Variants in DKK4 observed in about 807,000 individuals in gnomAD.
The protein encoded by DKK4 is dickkopf-related protein 4.
DKK4 carries 15 observed loss-of-function variants against 14.5 expected under a neutral mutation model. The ratio of observed to expected loss-of-function variants is 1.03; its 90% confidence interval spans 0.69 to 1.59. DKK4 has a LOEUF of 1.59. Among genes scored for constraint, DKK4 ranks in the 40% most tolerant of loss-of-function variants. The pLI, the probability that DKK4 is intolerant of heterozygous loss-of-function variation, is 0.00. For synonymous variants in DKK4, 89 were observed against 105.2 expected, an observed-to-expected ratio of 0.85 and a Z score of 0.94; for missense variants, 272 against 280.3, an observed-to-expected ratio of 0.97 and a Z score of 0.21.
At chr8:42,379,378 T>TATATAGAGAG (rs1166847600), upstream of DKK4, among the ~76,000 whole-genome samples, 2 of 34,538 alleles carry the variant, frequency 5.8e-5, no homozygotes, top group Non-Finnish European at 5.1e-5. Flanking sequence ...TATATATATA[T>TATATAGAGAG]AGAGAGAGAG....
the DKK4 span, among the ~76,000 whole-genome samples, chr8:42,388,860 C>G: frequency 6.6e-6 from 1 of 152,348 alleles, no homozygotes; most frequent in South Asian, 2.1e-4. Context: ...TGAGCCACTG[C>G]GCCCAGCCAA....
At chr8:42,379,639 T>C (rs975722188), upstream of DKK4, among the ~76,000 whole-genome samples, 3 of 151,906 alleles carry the variant, frequency 2.0e-5, no homozygotes, top group African/African-American at 7.3e-5. Context: ...AATAAAGGAA[T>C]GTGTTTACAG....
the DKK4 span, among the ~76,000 whole-genome samples, chr8:42,387,344 CTTTTTTTTTTTTTTTT>C: frequency 8.9e-5 from 4 of 44,908 alleles, no homozygotes; most frequent in South Asian, 1.2e-3. Context: ...GAAGGCCAGT[CTTTTTTTTTTTTTTTT>C]TTTTTTTTTT....
chr8:42,374,852 A>AT lies in DKK4; in HGVS notation c.323dup (p.Asp108GlufsTer25), dbSNP rs1236909521. ...CAGTTGTTCCTTCTGCATGTGTGCCATCTTGCTCATCAAGCTGCCTTTCTA... is the reference window on the plus strand; with the variant it reads ...CAGTTGTTCCTTCTGCATGTGTGCCATTCTTGCTCATCAAGCTGCCTTTCTA... On this transcript the variant is annotated frameshift_variant, in exon 3 of 4. Transcript: ENST00000220812. LOFTEE classifies it high-confidence loss of function. 35 of 1,613,982 alleles carry AT rather than the reference A, an allele frequency of 2.2e-5. No individual in the cohort carries two copies. The highest frequency in any genetic ancestry group is 2.6e-5 in the Non-Finnish European group (31 of 1,180,030).
the DKK4 span, among the ~76,000 whole-genome samples, chr8:42,386,545 G>T: frequency 1.3e-5 from 2 of 152,164 alleles, no homozygotes; most frequent in African/African-American, 4.8e-5. Context: ...AGGCTGGAGT[G>T]CAGTGGCGCC....
upstream of DKK4, chr8:42,377,311 C>T (rs935721832): frequency 2.7e-5 from 12 of 439,692 alleles, no homozygotes; most frequent in East Asian, 4.5e-4. Flanking sequence ...CCCACACAGG[C>T]TTCAACAAAT....
At chr8:42,384,418 C>T in the DKK4 span, among the ~76,000 whole-genome samples, 20 of 152,332 alleles carry the variant, frequency 1.3e-4, no homozygotes, top group African/African-American at 4.1e-4. Flanking sequence ...GCTAGGATTA[C>T]AGTCATGAGC....
At position 42,377,191 on chromosome 8, in the gene DKK4, A is replaced by AG. The variant is rs1824582665; in HGVS notation, c.-147dup. On this transcript the variant is annotated 5_prime_UTR_variant, in exon 1 of 4. Transcript: ENST00000220812. ...GCTTTTTCTGAAAGAAGTAAACCTTAGTCTGAGTAAGGTGCGTGAAATCGG... is the reference window on the plus strand; with the variant it reads ...GCTTTTTCTGAAAGAAGTAAACCTTAGGTCTGAGTAAGGTGCGTGAAATCGG... 3 of 646,992 alleles carry AG rather than the reference A, an allele frequency of 4.6e-6. No homozygotes were observed. In the East Asian group the frequency reaches 8.3e-5, roughly 18 times the overall value. The allele number at this position is 646,992 out of a possible 1,614,324, so 40.1% of individuals were successfully genotyped here.
chr8:42,378,259 C>T (rs1436661764), upstream of DKK4, among the ~76,000 whole-genome samples: 1 of 152,162 alleles, frequency 6.6e-6, no homozygotes, highest in Non-Finnish European at 1.5e-5. Flanking sequence ...ATCTAAAATG[C>T]ATTTTTTCTA....
chr8:42,383,804 A>G, the DKK4 span, among the ~76,000 whole-genome samples: 1 of 152,178 alleles, frequency 6.6e-6, no homozygotes, highest in Non-Finnish European at 1.5e-5. Context: ...TTTGCCAGGC[A>G]TGGTGGTGCG....
chr8:42,376,843 C>T, intron 1 of DKK4, 92 bp downstream of exon 1: 1 of 1,060,258 alleles, frequency 9.4e-7, no homozygotes, highest in Non-Finnish European at 1.4e-6. Flanking sequence ...TAAGACATTT[C>T]ATACATGAAT....
rs539145811 is a variant in DKK4, at chr8:42,374,863, C to G, written c.313G>C (p.Asp105His). ...DATPILERQL[D>H]EQDGTHAEGT... ...TCTGCATGTGTGCCATCTTGCTCATCAAGCTGCCTTTCTAATATTGGGGTT... is the reference window on the plus strand; with the variant it reads ...TCTGCATGTGTGCCATCTTGCTCATGAAGCTGCCTTTCTAATATTGGGGTT... The change falls in exon 3 of 4, where the codon GAT becomes CAT. Residue 105 changes from aspartate to histidine, a missense_variant. Coordinates refer to ENST00000220812, the MANE Select transcript of DKK4 (RefSeq NM_014420.3). 3 of 1,614,174 alleles carry G rather than the reference C, an allele frequency of 1.9e-6. No individual in the cohort carries two copies. In the East Asian group the frequency reaches 6.7e-5, roughly 36 times the overall value.
chr8:42,375,941 A>G, intron 1 of DKK4, 111 bp from the exon 2 acceptor site: 1 of 1,373,168 alleles, frequency 7.3e-7, no homozygotes, highest in South Asian at 1.4e-5. Flanking sequence ...GCGCTGTGAC[A>G]AACCCTGGGC....
chr8:42,383,111 A>G, the DKK4 span, among the ~76,000 whole-genome samples: 5 of 152,244 alleles, frequency 3.3e-5, no homozygotes, highest in African/African-American at 1.2e-4. Flanking sequence ...GAAATATTCC[A>G]TCAAATAAAA....
chr8:42,388,844 C>T, the DKK4 span, among the ~76,000 whole-genome samples: 1 of 152,258 alleles, frequency 6.6e-6, no homozygotes, highest in Non-Finnish European at 1.5e-5. Flanking sequence ...GCTGGGATTA[C>T]AGGCGTGAGC....
chr8:42,384,639 T>TG, the DKK4 span, among the ~76,000 whole-genome samples: 1 of 152,024 alleles, frequency 6.6e-6, no homozygotes, highest in African/African-American at 2.4e-5. Context: ...GCCTCTCTCT[T>TG]GGGGGGCCTT....
upstream of DKK4, among the ~76,000 whole-genome samples, chr8:42,380,403 AAAAG>A (rs1378140801): frequency 2.4e-5 from 3 of 124,602 alleles, no homozygotes; most frequent in African/African-American, 4.7e-5. Context: ...AAGGAAGGAA[AAAAG>A]AAAGAAAAGA....
chr8:42,379,500 T>C (rs1434793732), upstream of DKK4, among the ~76,000 whole-genome samples: 7 of 147,118 alleles, frequency 4.8e-5, no homozygotes, highest in South Asian at 1.3e-3. Context: ...GAGATCCAGA[T>C]AGAAGACATG....
the DKK4 span, among the ~76,000 whole-genome samples, chr8:42,390,255 T>C: frequency 6.6e-6 from 1 of 152,140 alleles, no homozygotes; most frequent in African/African-American, 2.4e-5. Context: ...ATTTCCCCGA[T>C]TGTCCCAATA....
Sources: gnomAD v4.1 joint callset for allele counts (sites outside exome capture counted in the v4.1 genomes callset) on GRCh38, gnomAD v4.1.1 for gene constraint, MANE v1.5 for transcripts, NCBI Gene and HGNC (gene_info 2026-07-23, HGNC 2026-07-21) for gene names.